The following KSR2 variants were observed in gnomAD, a reference collection of about 807,000 sequenced individuals.
The protein encoded by KSR2 is kinase suppressor of ras 2.
KSR2 carries 25 observed loss-of-function variants against 107.8 expected under a neutral mutation model. That is an observed-to-expected ratio of 0.23 (90% CI 0.17 to 0.32). KSR2 has a LOEUF of 0.32. KSR2 is among the 10% of genes least tolerant of loss of function. The pLI is 1.00. For missense variants in KSR2, 887 were observed against 1,268.9 expected, an observed-to-expected ratio of 0.70 and a Z score of 4.57; for synonymous variants, 480 against 507.0, an observed-to-expected ratio of 0.95 and a Z score of 0.71.
intron 14 of KSR2, among the ~76,000 whole-genome samples, chr12:117,518,284 T>C (rs1874521057): frequency 6.6e-6 from 1 of 152,154 alleles, no homozygotes; most frequent in Non-Finnish European, 1.5e-5. Context: ...ATCCAGTTCT[T>C]CCTTCCTCTT....
intron 12 of KSR2, among the ~76,000 whole-genome samples, chr12:117,530,323 G>C (rs1223970376): frequency 2.0e-5 from 3 of 151,916 alleles, no homozygotes; most frequent in African/African-American, 7.3e-5. Context: ...TTCTGCAAAG[G>C]GTCATAGAGT....
At chr12:117,848,761 A>G (rs1022316972) in intron 3 of KSR2, among the ~76,000 whole-genome samples, 5 of 99,652 alleles carry the variant, frequency 5.0e-5, no homozygotes, top group Non-Finnish European at 8.1e-5. Flanking sequence ...GGTGATGGCG[A>G]TGATGGTGGT....
At position 117,477,778 on chromosome 12, in the gene KSR2, A is replaced by G. The variant is rs530543223; in HGVS notation, c.2451-1183T>C. 4.2e-4 allele frequency among the ~76,000 whole-genome samples: 64 copies of G among 152,366 alleles called. No individual in the cohort carries two copies. The South Asian group carries it at 0.012, about 29-fold the overall frequency. The stretch of plus-strand genomic sequence containing the variant: ...TCCCATCCTATGTATCAAAGTATAT[A>G]CAACCAACTCCTTGCTGTTGGGCCT... On this transcript the variant is annotated intron_variant, in intron 16 of 19. Coordinates refer to ENST00000339824, the MANE Select transcript of KSR2 (RefSeq NM_173598.6).
intron 5 of KSR2, among the ~76,000 whole-genome samples, chr12:117,617,411 A>T (rs1881948493): frequency 6.6e-6 from 1 of 152,120 alleles, no homozygotes; most frequent in African/African-American, 2.4e-5. Flanking sequence ...ACTTTTTTAT[A>T]ATTTCTAGAT....
chr12:117,507,600 T>C (rs1457969799), intron 14 of KSR2, among the ~76,000 whole-genome samples: 4 of 152,310 alleles, frequency 2.6e-5, no homozygotes, highest in African/African-American at 7.2e-5. Flanking sequence ...GGCTGGCTGG[T>C]GTCCTTCTGT....
intron 3 of KSR2, among the ~76,000 whole-genome samples, chr12:117,847,900 C>T (rs1226254805): frequency 6.6e-6 from 1 of 152,114 alleles, no homozygotes; most frequent in South Asian, 2.1e-4. Context: ...AGTCCCTGAG[C>T]CCTGGAACCC....
chr12:117,577,142 G>GA (rs1329946884), intron 7 of KSR2, among the ~76,000 whole-genome samples: 16 of 152,186 alleles, frequency 1.1e-4, no homozygotes, highest in Admixed American at 9.2e-4. Context: ...GGGATGTGGG[G>GA]AGGCCTGAAA....
chr12:117,927,271 G>A (rs1225000356), intron 1 of KSR2, among the ~76,000 whole-genome samples: 1 of 152,030 alleles, frequency 6.6e-6, no homozygotes, highest in Non-Finnish European at 1.5e-5. Flanking sequence ...AGCTACTCGG[G>A]AGGCTGAGGC....
chr12:117,712,329 G>A (rs1593158200), intron 4 of KSR2, among the ~76,000 whole-genome samples: 1 of 152,194 alleles, frequency 6.6e-6, no homozygotes, highest in Admixed American at 6.6e-5. Flanking sequence ...GAAGTCTGGG[G>A]ACAGGGTCTC....
At chr12:117,534,110 CAA>C (rs1366588810) in intron 10 of KSR2, among the ~76,000 whole-genome samples, 2 of 151,822 alleles carry the variant, frequency 1.3e-5, no homozygotes, top group African/African-American at 4.8e-5. Context: ...CAGATGAAGT[CAA>C]AGAGACAAGC....
intron 5 of KSR2, among the ~76,000 whole-genome samples, chr12:117,629,175 G>A (rs1368988603): frequency 3.9e-5 from 6 of 152,316 alleles, no homozygotes; most frequent in South Asian, 4.1e-4. Context: ...TTGATGACCC[G>A]CACTGCTTTG....
At chr12:117,847,012 C>T (rs1404200311) in intron 3 of KSR2, among the ~76,000 whole-genome samples, 2 of 152,240 alleles carry the variant, frequency 1.3e-5, no homozygotes, top group Non-Finnish European at 2.9e-5. Context: ...CAGGTTTCTG[C>T]CGCTCGTAAG....
chr12:117,618,702 TTC>T (rs1444598007), intron 5 of KSR2, among the ~76,000 whole-genome samples: 5 of 152,114 alleles, frequency 3.3e-5, no homozygotes, highest in Non-Finnish European at 1.5e-5. Flanking sequence ...TTTCATTTGG[TTC>T]TCTCATTCTC....
intron 5 of KSR2, among the ~76,000 whole-genome samples, chr12:117,645,297 AT>A (rs903655331): frequency 3.3e-5 from 5 of 151,614 alleles, no homozygotes; most frequent in Non-Finnish European, 5.9e-5. Flanking sequence ...CTAGAACTGG[AT>A]TTTTTTTTAG....
chr12:117,472,623 C>T (rs957160891), intron 17 of KSR2, among the ~76,000 whole-genome samples: 4 of 152,164 alleles, frequency 2.6e-5, no homozygotes, highest in African/African-American at 7.2e-5. Context: ...GGTTTCACTT[C>T]GTAGTTACAT....
At chr12:117,936,234 C>T (rs1441146721) in intron 1 of KSR2, among the ~76,000 whole-genome samples, 4 of 151,862 alleles carry the variant, frequency 2.6e-5, no homozygotes, top group African/African-American at 4.8e-5. Flanking sequence ...TGCCATGTTG[C>T]CCAGGCTAAT....
At chr12:117,560,408 G>A (rs976795442) in intron 7 of KSR2, among the ~76,000 whole-genome samples, 1 of 152,018 alleles carries the variant, frequency 6.6e-6, no homozygotes, top group East Asian at 1.9e-4. Context: ...GGACCACCGA[G>A]AGTGCAGAAG....
chr12:117,473,467 G>A (rs938503901), intron 17 of KSR2, among the ~76,000 whole-genome samples: 2 of 152,128 alleles, frequency 1.3e-5, no homozygotes, highest in African/African-American at 4.8e-5. Context: ...CCAAGATGGT[G>A]CCACTGGCCA....
In KSR2 at chr12:117,793,602, A is replaced by AATATGCACACATACACCT; in HGVS notation, c.473-32079_473-32078insAGGTGTATGTGTGCATAT. Among the ~76,000 whole-genome samples, 3 of 142,820 alleles carry AATATGCACACATACACCT rather than the reference A, an allele frequency of 2.1e-5. No individual in the cohort carries two copies. In the Admixed American group the frequency reaches 2.1e-4, roughly 10 times the overall value. 93.7% of individuals were successfully genotyped at this position (142,820 alleles called of 152,430 possible). On this transcript the variant is annotated intron_variant, in intron 3 of 19. Coordinates refer to ENST00000339824, the MANE Select transcript of KSR2 (RefSeq NM_173598.6). ...TTACACCAATATGCACACATACACC[A>AATATGCACACATACACCT]ACATGCACACTCACACCAACATGCA...
Sources: allele counts gnomAD v4.1 joint callset (sites outside exome capture counted in the v4.1 genomes callset), GRCh38; gene constraint gnomAD v4.1.1; transcripts MANE v1.5; gene names NCBI Gene and HGNC (gene_info 2026-07-23, HGNC 2026-07-21).